The following TPD52 variants were observed in gnomAD, a reference collection of about 807,000 sequenced individuals.
TPD52 encodes the protein tumor protein D52.
TPD52 carries 17 observed loss-of-function variants against 31.3 expected under a neutral mutation model. The observed-to-expected ratio is 0.54, with a 90% CI of 0.37 to 0.82. The LOEUF (loss-of-function observed/expected upper bound fraction) is 0.82, where lower values mean the gene tolerates loss of function less well. TPD52 is among the 40% of genes least tolerant of loss of function. The probability of loss-of-function intolerance (pLI) is 0.00; values close to 1 mark genes in which losing one functional copy is unlikely to be tolerated. For synonymous variants in TPD52, 83 were observed against 89.6 expected (o/e 0.93, Z 0.42); for missense variants, 212 against 240.1 (o/e 0.88, Z 0.77).
chr8:80,105,706 G>A (rs1272101468), intron 1 of TPD52, among the ~76,000 whole-genome samples: 4 of 149,844 alleles, frequency 2.7e-5, no homozygotes, highest in African/African-American at 9.8e-5. Flanking sequence ...CAAAATGCTA[G>A]GATTACACCC....
chr8:80,041,539 C>T (rs1239295108), intron 7 of TPD52, among the ~76,000 whole-genome samples: 4 of 151,890 alleles, frequency 2.6e-5, no homozygotes, highest in Admixed American at 6.6e-5. Context: ...TAGAGAGGGT[C>T]GAGGAATAGA....
In TPD52 at chr8:80,112,531, C is replaced by T. The variant is rs749025091; in HGVS notation, c.20-47938G>A. The stretch of plus-strand genomic sequence containing the variant: ...AGTCCATAAATAAAGAAACACTAGA[C>T]TCTTGGTAGTAAAGAATACCAATAG... On this transcript the variant is annotated intron_variant, in intron 1 of 7. Transcript: ENST00000518937. Among the ~76,000 whole-genome samples the T allele has an allele frequency of 1.8e-4, 28 of 152,152 alleles. 1 individual carries two copies. The highest frequency in any genetic ancestry group is 7.3e-5 in the Non-Finnish European group (5 of 68,032).
intron 4 of TPD52, among the ~76,000 whole-genome samples, chr8:80,050,822 T>C (rs1024665492): frequency 6.6e-5 from 10 of 152,172 alleles, no homozygotes; most frequent in African/African-American, 2.4e-4. Context: ...CACGAAGCCA[T>C]GCAATCTGAG....
chr8:80,156,269 T>C (rs1810967692), intron 1 of TPD52, among the ~76,000 whole-genome samples: 1 of 152,182 alleles, frequency 6.6e-6, no homozygotes, highest in Non-Finnish European at 1.5e-5. Context: ...AGACTCAGGG[T>C]GTCCAGGCTT....
chr8:80,065,143 G>GTTGT (rs916258888), intron 1 of TPD52, among the ~76,000 whole-genome samples: 3 of 151,406 alleles, frequency 2.0e-5, no homozygotes, highest in African/African-American at 4.9e-5. Flanking sequence ...TTCTTTTTTT[G>GTTGT]TTGTTTGTTT....
intron 1 of TPD52, among the ~76,000 whole-genome samples, chr8:80,076,002 C>G (rs1367803124): frequency 6.6e-6 from 1 of 152,158 alleles, no homozygotes; most frequent in African/African-American, 2.4e-5. Flanking sequence ...TTCAGTCTTT[C>G]TAGAGTATCA....
chr8:80,046,490 G>A (rs376079610), intron 5 of TPD52, among the ~76,000 whole-genome samples: 20 of 151,982 alleles, frequency 1.3e-4, no homozygotes, highest in African/African-American at 4.1e-4. Flanking sequence ...CTTCTCTATG[G>A]CAAGTTACAC....
intron 1 of TPD52, among the ~76,000 whole-genome samples, chr8:80,088,884 A>G (rs1374829142): frequency 1.3e-5 from 2 of 152,052 alleles, no homozygotes; most frequent in East Asian, 3.9e-4. Flanking sequence ...TTTAGTAGAG[A>G]CGGGGTTTCA....
At chr8:80,118,016 G>A (rs1386421421) in intron 1 of TPD52, among the ~76,000 whole-genome samples, 1 of 152,078 alleles carries the variant, frequency 6.6e-6, no homozygotes, top group African/African-American at 2.4e-5. Flanking sequence ...ACAGGTGTGA[G>A]CCACCGCACC....
rs865848429 is a variant in TPD52, at chr8:80,171,526, G to A, written c.-83C>T. On this transcript the variant is annotated 5_prime_UTR_variant, in exon 1 of 8. Coordinates refer to ENST00000518937, the MANE Select transcript of TPD52 (RefSeq NM_001025253.3). ...CTCGGATCGCCCGCCGCGCCGCGCAGAGCTCCTCCTCGCCTCCGCCGGCGA... is the reference window on the plus strand; with the variant it reads ...CTCGGATCGCCCGCCGCGCCGCGCAAAGCTCCTCCTCGCCTCCGCCGGCGA... The A allele has an allele frequency of 6.8e-5, 100 of 1,460,936 alleles. No homozygotes were observed. In the Middle Eastern group the frequency reaches 9.8e-4, roughly 14 times the overall value. 90.5% of individuals were successfully genotyped at this position (1,460,936 alleles called of 1,614,324 possible).
chr8:80,112,423 A>T (rs1807558788), intron 1 of TPD52, among the ~76,000 whole-genome samples: 1 of 152,176 alleles, frequency 6.6e-6, no homozygotes, highest in Non-Finnish European at 1.5e-5. Context: ...CTTGGCCACT[A>T]TCTTGCTCTT....
chr8:80,149,577 G>A (rs561658644), intron 1 of TPD52, among the ~76,000 whole-genome samples: 17 of 152,306 alleles, frequency 1.1e-4, no homozygotes, highest in Middle Eastern at 3.4e-3. Flanking sequence ...GAGTTTGGAG[G>A]GCTCAGAAGA....
At chr8:80,062,227 T>C (rs1812628044) in intron 2 of TPD52, among the ~76,000 whole-genome samples, 1 of 152,220 alleles carries the variant, frequency 6.6e-6, no homozygotes, top group Non-Finnish European at 1.5e-5. Flanking sequence ...TATAGATGAA[T>C]GAATCTGAAT....
At chr8:80,031,582 G>A (rs543919724), downstream of TPD52, among the ~76,000 whole-genome samples, 1 of 152,332 alleles carries the variant, frequency 6.6e-6, no homozygotes, top group Admixed American at 6.5e-5. Context: ...GTCTGACTGG[G>A]CAGGGTGGCT....
intron 1 of TPD52, among the ~76,000 whole-genome samples, chr8:80,151,636 C>T (rs1159121989): frequency 1.3e-5 from 2 of 152,212 alleles, no homozygotes; most frequent in African/African-American, 4.8e-5. Flanking sequence ...ATAAGAAAGT[C>T]TCTTCTGCTT....
chr8:80,099,803 G>A (rs940362603), intron 1 of TPD52, among the ~76,000 whole-genome samples: 3 of 152,170 alleles, frequency 2.0e-5, no homozygotes, highest in Non-Finnish European at 4.4e-5. Context: ...AAGCCAGCGC[G>A]CCCAGCTGGT....
At chr8:80,084,932 TA>T (rs970810823) in intron 1 of TPD52, among the ~76,000 whole-genome samples, 5 of 152,146 alleles carry the variant, frequency 3.3e-5, no homozygotes, top group African/African-American at 1.2e-4. Flanking sequence ...AAATGCCTAC[TA>T]AAAATGGATT....
intron 1 of TPD52, among the ~76,000 whole-genome samples, chr8:80,112,139 C>T (rs1807540221): frequency 6.6e-6 from 1 of 152,210 alleles, no homozygotes; most frequent in Non-Finnish European, 1.5e-5. Context: ...TTGAAGATTA[C>T]TTGCCTCACC....
At chr8:80,053,556 T>A in intron 2 of TPD52, 126 bp from the exon 3 acceptor site, 1 of 1,038,440 alleles carries the variant, frequency 9.6e-7, no homozygotes, top group Non-Finnish European at 1.4e-6. Context: ...TCTTTCTCTC[T>A]AAAAACAATG....
Sources: gnomAD v4.1 joint callset for allele counts (sites outside exome capture counted in the v4.1 genomes callset) on GRCh38, gnomAD v4.1.1 for gene constraint, MANE v1.5 for transcripts, NCBI Gene and HGNC (gene_info 2026-07-23, HGNC 2026-07-21) for gene names.